The following DDX60 variants were observed in gnomAD, a reference collection of about 807,000 sequenced individuals.
DDX60 encodes probable ATP-dependent RNA helicase DDX60.
A neutral mutation model predicts 212.8 loss-of-function variants in DDX60; 165 were observed. The ratio of observed to expected loss-of-function variants is 0.78; its 90% confidence interval spans 0.68 to 0.88. The LOEUF (loss-of-function observed/expected upper bound fraction) is 0.88, where lower values mean the gene tolerates loss of function less well. DDX60 is among the 40% of genes least tolerant of loss of function. The pLI is 0.00. For missense variants in DDX60, 1,905 were observed against 2,003.9 expected (o/e 0.95, Z 0.94); for synonymous variants, 703 against 685.3 (o/e 1.03, Z -0.40).
chr4:168,324,739 G>C, the DDX60 span, among the ~76,000 whole-genome samples: 1 of 152,166 alleles, frequency 6.6e-6, no homozygotes, highest in Non-Finnish European at 1.5e-5. Flanking sequence ...TGAACCAATG[G>C]TCCATCGCCT....
chr4:168,260,330 G>A (rs1734575660), intron 25 of DDX60, among the ~76,000 whole-genome samples: 1 of 152,060 alleles, frequency 6.6e-6, no homozygotes, highest in Admixed American at 6.5e-5. Flanking sequence ...TGTTCTCATT[G>A]TTCAATTCCC....
chr4:168,244,877 A>AT (rs1733970418), intron 30 of DDX60, among the ~76,000 whole-genome samples: 1 of 150,844 alleles, frequency 6.6e-6, no homozygotes, highest in African/African-American at 2.4e-5. Context: ...ATGTTTTCTC[A>AT]TAAAAAAAAA....
At chr4:168,274,354 T>G (rs1735236493) in intron 16 of DDX60, among the ~76,000 whole-genome samples, 1 of 152,204 alleles carries the variant, frequency 6.6e-6, no homozygotes, top group Non-Finnish European at 1.5e-5. Flanking sequence ...ATTTACTAAG[T>G]GCGGTTGAGA....
Position 168,293,086 on chromosome 4 carries a change from C to T in DDX60, c.882+701G>A, listed in dbSNP as rs1049802849. Among the ~76,000 whole-genome samples, 6 of 152,228 alleles carry T rather than the reference C, an allele frequency of 3.9e-5. No homozygotes were observed. The East Asian group carries it at 7.7e-4, about 20-fold the overall frequency. On this transcript the variant is annotated intron_variant, in intron 7 of 37. Transcript: ENST00000393743. ...ATACAGAATAGTATGTATACACATG[C>T]GTCTGAGTGTGTAAGTGTGTGTGTG...
rs921791870 is a variant in DDX60, at chr4:168,272,232, G to A, written c.2575-94C>T. The A allele has an allele frequency of 2.7e-5, 25 of 921,624 alleles. No individual in the cohort carries two copies. The East Asian group carries it at 6.4e-4, about 24-fold the overall frequency. 57.1% of individuals were successfully genotyped at this position (921,624 alleles called of 1,614,324 possible). A position where few individuals can be genotyped will look rare whatever the true frequency, so the allele number is the denominator to read the frequency against. On this transcript the variant is annotated intron_variant, in intron 18 of 37. Coordinates refer to ENST00000393743, the MANE Select transcript of DDX60 (RefSeq NM_017631.6). ...TATGTAAGATAGACTTATGAGTCCT[G>A]AATGTACCTGCTGATAATTGGCATA...
rs770036866 is a variant in DDX60, at chr4:168,237,357, G to C, written c.4340C>G (p.Pro1447Arg). The C allele has an allele frequency of 6.3e-7, 1 of 1,596,652 alleles. No individual in the cohort carries two copies. The highest frequency in any genetic ancestry group is 2.3e-5 in the East Asian group (1 of 43,830). ...GLVSHLHYHE[P>R]SNLVFVSFLV... ...AAAACTGACAAAAACAAGATTAGAA[G>C]GTTCATGATAATGCAAATGTGATAC... The change falls in exon 32 of 38, where the codon CCT becomes CGT. Residue 1447 changes from proline (P) to arginine (R), a missense_variant. By Grantham distance (103) the Pro-to-Arg change is moderately radical. Transcript: ENST00000393743.
rs760912611 is a variant in DDX60 at position 168,255,794 on chromosome 4, C to G, written c.3474G>C (p.Arg1158Ser). 7 of 1,609,142 alleles carry G rather than the reference C, an allele frequency of 4.4e-6. No homozygotes were observed. The highest frequency in any genetic ancestry group is 2.2e-5 in the East Asian group (1 of 44,718). ...GGGCTTCTTTATCAGCTTTGGGAGG[C>G]CTTTTTGTCTCCTGCTTTTTCTTTA... The part of the protein sequence containing the change: ...TFLKKKQETK[R>S]PPKADKEAHV... The change falls in exon 26 of 38, where the codon AGG becomes AGC. Residue 1158 changes from arginine to serine, a missense_variant. Coordinates refer to ENST00000393743, the MANE Select transcript of DDX60 (RefSeq NM_017631.6).
chr4:168,251,167 A>G, intron 27 of DDX60, 61 bp from the exon 28 acceptor site: 5 of 1,470,210 alleles, frequency 3.4e-6, no homozygotes, highest in Non-Finnish European at 4.6e-6. Context: ...AAAAATGTCT[A>G]AATGAAAATA....
chr4:168,314,423 G>T (rs1263477382), intron 1 of DDX60, among the ~76,000 whole-genome samples: 1 of 151,926 alleles, frequency 6.6e-6, no homozygotes, highest in East Asian at 1.9e-4. Flanking sequence ...TGCAGAGACA[G>T]AAAAGACCTT....
chr4:168,222,200 G>T (rs573330416), intron 35 of DDX60, among the ~76,000 whole-genome samples: 1 of 152,084 alleles, frequency 6.6e-6, no homozygotes, highest in Non-Finnish European at 1.5e-5. Context: ...TTGGTGAAAG[G>T]AATTTACTTG....
At chr4:168,309,387 C>T (rs79126508) in intron 3 of DDX60, among the ~76,000 whole-genome samples, 6,263 of 152,110 alleles carry the variant, frequency 0.041, 263 homozygotes, top group Admixed American at 0.097. Flanking sequence ...GCTATAGTTG[C>T]CCACCACTTC....
Position 168,306,394 on chromosome 4 carries a change from C to A in DDX60, c.591G>T (p.Gln197His), listed in dbSNP as rs773493815. Residue 197 changes from glutamine (Q) to histidine (H), a missense_variant, in exon 5 of 38, where the codon CAG becomes CAT. Coordinates refer to ENST00000393743, the MANE Select transcript of DDX60 (RefSeq NM_017631.6). ...TGTGAATTACCTTCCAGGAAAAAATCTGGTGTCTGTACATGCTTGGAAGAA... is the reference window on the plus strand; with the variant it reads ...TGTGAATTACCTTCCAGGAAAAAATATGGTGTCTGTACATGCTTGGAAGAA... ...AYLLPSMYRH[Q>H]IFSWKNKQNI... 1.0e-5 allele frequency: 16 copies of A among 1,591,334 alleles called. No individual in the cohort carries two copies. The highest frequency in any genetic ancestry group is 1.4e-5 in the Non-Finnish European group (16 of 1,167,430).
chr4:168,256,173 G>A (rs1170078191), intron 25 of DDX60, among the ~76,000 whole-genome samples: 1 of 129,924 alleles, frequency 7.7e-6, no homozygotes, highest in African/African-American at 2.9e-5. Context: ...TTTCCTCTAA[G>A]AGTAGTCAAA....
intron 37 of DDX60, among the ~76,000 whole-genome samples, chr4:168,219,804 AG>A (rs1335969367): frequency 1.3e-5 from 2 of 152,134 alleles, no homozygotes; most frequent in African/African-American, 4.8e-5. Flanking sequence ...TGGGAGGGCA[AG>A]GCAGGCAGAT....
chr4:168,217,962 G>A (rs1732910923), intron 37 of DDX60, among the ~76,000 whole-genome samples: 1 of 152,162 alleles, frequency 6.6e-6, no homozygotes. Context: ...TAGGTTTGTG[G>A]TAATTTGTTG....
At chr4:168,276,278 A>C in intron 14 of DDX60, 97 bp from the exon 15 acceptor site, 14 of 1,004,190 alleles carry the variant, frequency 1.4e-5, no homozygotes, top group Non-Finnish European at 1.7e-5. Flanking sequence ...TCACTATCTC[A>C]CTTGGCATTA....
At chr4:168,290,415 G>C (rs1287452915) in intron 8 of DDX60, among the ~76,000 whole-genome samples, 1 of 146,952 alleles carries the variant, frequency 6.8e-6, no homozygotes, top group Non-Finnish European at 1.5e-5. Flanking sequence ...TGCAAGCTCC[G>C]CCTCCTGGGT....
At chr4:168,299,634 CAA>C (rs1245037951) in intron 6 of DDX60, among the ~76,000 whole-genome samples, 2 of 151,188 alleles carry the variant, frequency 1.3e-5, no homozygotes, top group East Asian at 3.9e-4. Context: ...ATTAATGAAA[CAA>C]GATAAATTAA....
rs1735759430 is a variant in DDX60 at position 168,285,011 on chromosome 4, T to C, written c.1446-76A>G. 5 of 749,142 alleles carry C rather than the reference T, an allele frequency of 6.7e-6. No individual in the cohort carries two copies. The East Asian group carries it at 1.4e-4, about 21-fold the overall frequency. 46.4% of individuals were successfully genotyped at this position (749,142 alleles called of 1,614,324 possible). ...ACAGCACAGATTTTATTTTATAATG[T>C]TTTTGAAAATCATAGTTCCCCTTCT... On this transcript the variant is annotated intron_variant, in intron 11 of 37. Transcript: ENST00000393743.
Sources: gnomAD v4.1 joint callset for allele counts (sites outside exome capture counted in the v4.1 genomes callset) on GRCh38, gnomAD v4.1.1 for gene constraint, MANE v1.5 for transcripts, NCBI Gene and HGNC (gene_info 2026-07-23, HGNC 2026-07-21) for gene names.